Variants in ODAD2 observed in about 807,000 individuals in gnomAD.
ODAD2 encodes the protein outer dynein arm docking complex subunit 2, also known as outer dynein arm-docking complex subunit 2.
A neutral mutation model predicts 106.8 loss-of-function variants in ODAD2; 89 were observed. That is an observed-to-expected ratio of 0.83 (90% confidence interval 0.70 to 0.99). ODAD2 has a LOEUF of 0.99. Among genes scored for constraint, ODAD2 ranks in the 50% least tolerant of loss-of-function variants. ODAD2 has a pLI of 0.00. For missense variants in ODAD2, 1,168 were observed against 1,238.5 expected (o/e 0.94, Z 0.85); for synonymous variants, 404 against 436.2 (o/e 0.93, Z 0.92).
intron 19 of ODAD2, among the ~76,000 whole-genome samples, chr10:27,847,639 T>C (rs1838881948): frequency 6.6e-6 from 1 of 152,094 alleles, no homozygotes; most frequent in Admixed American, 6.6e-5. Flanking sequence ...ATTGTCCCTG[T>C]TTGCAGATGA....
chr10:27,986,823 G>A (rs182739885), intron 3 of ODAD2, among the ~76,000 whole-genome samples: 1 of 151,552 alleles, frequency 6.6e-6, no homozygotes, highest in Non-Finnish European at 1.5e-5. Flanking sequence ...TTAAGAAGAA[G>A]AAAAATATTT....
intron 17 of ODAD2, among the ~76,000 whole-genome samples, chr10:27,890,571 C>T (rs1049647341): frequency 5.3e-5 from 8 of 152,022 alleles, no homozygotes; most frequent in African/African-American, 1.9e-4. Flanking sequence ...CCTTTGTAGA[C>T]TAGCAGCCTC....
intron 17 of ODAD2, among the ~76,000 whole-genome samples, chr10:27,866,567 T>C (rs1235677836): frequency 6.6e-6 from 1 of 152,180 alleles, no homozygotes; most frequent in Non-Finnish European, 1.5e-5. Context: ...GATAAGTTTA[T>C]TTGGCTTATG....
intron 2 of ODAD2, among the ~76,000 whole-genome samples, chr10:27,993,856 CTGTTTTTA>C (rs1443537679): frequency 6.6e-6 from 1 of 152,104 alleles, no homozygotes; most frequent in East Asian, 1.9e-4. Flanking sequence ...AGCTAGGGAA[CTGTTTTTA>C]TATGATCAGA....
chr10:27,896,906 A>C (rs1842896429), intron 17 of ODAD2, among the ~76,000 whole-genome samples: 1 of 151,934 alleles, frequency 6.6e-6, no homozygotes, highest in Non-Finnish European at 1.5e-5. Context: ...AAAACTATGA[A>C]TCCTTTTTTC....
chr10:27,895,969 A>C (rs1462821415), intron 17 of ODAD2, among the ~76,000 whole-genome samples: 1 of 152,206 alleles, frequency 6.6e-6, no homozygotes, highest in Non-Finnish European at 1.5e-5. Context: ...TTTTAAGAAG[A>C]AACAGCCTTG....
chr10:27,950,404 C>G (rs528807965), intron 10 of ODAD2, among the ~76,000 whole-genome samples: 4 of 152,236 alleles, frequency 2.6e-5, no homozygotes, highest in Non-Finnish European at 5.9e-5. Context: ...GATGACTTAG[C>G]ACTCAAAAAC....
chr10:27,841,894 A>G (rs1335885564), intron 19 of ODAD2, among the ~76,000 whole-genome samples: 1 of 152,120 alleles, frequency 6.6e-6, no homozygotes, highest in African/African-American at 2.4e-5. Flanking sequence ...AGCTGGGACT[A>G]CAGGTATGCA....
intron 14 of ODAD2, among the ~76,000 whole-genome samples, chr10:27,937,407 G>A (rs1162454427): frequency 3.4e-5 from 5 of 145,828 alleles, no homozygotes; most frequent in African/African-American, 5.1e-5. Context: ...GCATGATCTC[G>A]ACTCACTGCA....
At chr10:27,842,039 A>G (rs1398462871) in intron 19 of ODAD2, among the ~76,000 whole-genome samples, 1 of 152,074 alleles carries the variant, frequency 6.6e-6, no homozygotes, top group African/African-American at 2.4e-5. Context: ...TCTGGCTGCA[A>G]ATTCTTCTCC....
At chr10:27,936,961 G>T (rs1709974639) in intron 14 of ODAD2, 81 bp from the exon 15 acceptor site, 2 of 1,449,766 alleles carry the variant, frequency 1.4e-6, no homozygotes, top group Non-Finnish European at 9.3e-7. Flanking sequence ...TGCCATTCTA[G>T]TAGCTAGGAA....
Position 27,869,758 on chromosome 10 carries a change from C to T in ODAD2, c.2611-7136G>A, listed in dbSNP as rs186904661. ...CCATGTTGGCCAGGCTGGTCCCGAA[C>T]TCTTGACCTTAAGTGATCCACCTGC... On this transcript the variant is annotated intron_variant, in intron 17 of 19. Coordinates refer to ENST00000305242, the MANE Select transcript of ODAD2 (RefSeq NM_018076.5). Among the ~76,000 whole-genome samples the T allele has an allele frequency of 1.3e-3, 198 of 152,134 alleles. 1 individual carries two copies. The highest frequency in any genetic ancestry group is 4.5e-3 in the African/African-American group (187 of 41,498).
intron 15 of ODAD2, 52 bp downstream of exon 15, chr10:27,936,674 G>A: frequency 1.9e-6 from 3 of 1,589,926 alleles, no homozygotes; most frequent in Non-Finnish European, 2.6e-6. Flanking sequence ...ATGACAAGAA[G>A]GTGTTTCAGA....
rs114786512 is a variant in ODAD2, at chr10:27,877,844, G to C, written c.2611-15222C>G. 1.3e-3 allele frequency among the ~76,000 whole-genome samples: 205 copies of C among 152,210 alleles called. 1 individual carries two copies. The highest frequency in any genetic ancestry group is 4.8e-3 in the African/African-American group (199 of 41,530). On this transcript the variant is annotated intron_variant, in intron 17 of 19. Coordinates refer to ENST00000305242, the MANE Select transcript of ODAD2 (RefSeq NM_018076.5). ...CAGGCTAAATTTTGCAATTTATAAA[G>C]GACTTCCACATGCATTATCTCATAT...
intron 17 of ODAD2, among the ~76,000 whole-genome samples, chr10:27,892,671 C>T (rs1842634049): frequency 6.6e-6 from 1 of 152,130 alleles, no homozygotes; most frequent in Admixed American, 6.5e-5. Context: ...TACAAAAATC[C>T]CACATTCCAT....
intron 16 of ODAD2, among the ~76,000 whole-genome samples, chr10:27,924,174 C>T (rs918369002): frequency 2.0e-5 from 3 of 151,804 alleles, no homozygotes; most frequent in African/African-American, 4.8e-5. Context: ...AAAAAGTCAA[C>T]ACACTCTGAT....
At chr10:27,950,818 T>G (rs752161140) in intron 10 of ODAD2, among the ~76,000 whole-genome samples, 4 of 152,186 alleles carry the variant, frequency 2.6e-5, no homozygotes, top group African/African-American at 4.8e-5. Context: ...AATGTTCTAG[T>G]CATTGCAATG....
chr10:27,836,485 T>C (rs1357407309), intron 19 of ODAD2, among the ~76,000 whole-genome samples: 3 of 152,254 alleles, frequency 2.0e-5, no homozygotes, highest in African/African-American at 7.2e-5. Context: ...ATTATACTAA[T>C]ATGTAAACAT....
chr10:27,907,888 ATTTT>A (rs3839908), intron 16 of ODAD2, 111 bp from the exon 17 acceptor site: 3 of 585,872 alleles, frequency 5.1e-6, no homozygotes, highest in East Asian at 3.3e-5. Context: ...TTTGCTTAGA[ATTTT>A]TTTTTTTTTT....
Sources: allele counts gnomAD v4.1 joint callset (sites outside exome capture counted in the v4.1 genomes callset), GRCh38; gene constraint gnomAD v4.1.1; transcripts MANE v1.5; gene names NCBI Gene and HGNC (gene_info 2026-07-23, HGNC 2026-07-21).